The following DLGAP2 variants were observed in gnomAD, a reference collection of about 807,000 sequenced individuals.
DLGAP2 encodes disks large-associated protein 2.
In DLGAP2, 26 loss-of-function variants were observed where a neutral mutation model predicts 100.3. The ratio of observed to expected loss-of-function variants is 0.26; its 90% CI spans 0.19 to 0.36. DLGAP2 has a LOEUF of 0.36. DLGAP2 is among the 10% of genes least tolerant of loss of function. The pLI, the probability that DLGAP2 is intolerant of heterozygous loss-of-function variation, is 1.00. For synonymous variants in DLGAP2, 886 were observed against 630.1 expected (o/e 1.41, Z -6.08); for missense variants, 1,858 against 1,453.2 (o/e 1.28, Z -4.53).
chr8:778,560 T>A (rs999044248), intron 1 of DLGAP2, among the ~76,000 whole-genome samples: 1 of 152,228 alleles, frequency 6.6e-6, no homozygotes, highest in African/African-American at 2.4e-5. Flanking sequence ...GTTTTCCTCC[T>A]AACGGACAGG....
intron 3 of DLGAP2, among the ~76,000 whole-genome samples, chr8:1,361,650 TCTGA>T (rs1412170551): frequency 1.3e-5 from 2 of 152,200 alleles, no homozygotes; most frequent in Non-Finnish European, 1.5e-5. Flanking sequence ...CCCCCCTGGG[TCTGA>T]CTATTAGCTT....
At chr8:1,108,418 G>A (rs1442082708) in intron 2 of DLGAP2, among the ~76,000 whole-genome samples, 3 of 152,242 alleles carry the variant, frequency 2.0e-5, no homozygotes, top group Non-Finnish European at 2.9e-5. Flanking sequence ...AAGCCGTCAT[G>A]TAAGATGATG....
intron 1 of DLGAP2, among the ~76,000 whole-genome samples, chr8:820,431 TGCAATGTGTAGAATAGATAA>T (rs778767479): frequency 1.3e-5 from 2 of 152,284 alleles, no homozygotes; most frequent in Middle Eastern, 3.4e-3. Context: ...AAAAAACATT[TGCAATGTGTAGAATAGATAA>T]GCATCCGGCA....
At chr8:1,313,879 G>C (rs750032420) in intron 3 of DLGAP2, among the ~76,000 whole-genome samples, 11 of 152,012 alleles carry the variant, frequency 7.2e-5, no homozygotes, top group Non-Finnish European at 1.0e-4. Flanking sequence ...CAAAGACTAA[G>C]GGTTCAAATC....
intron 1 of DLGAP2, among the ~76,000 whole-genome samples, chr8:875,719 C>T (rs987719282): frequency 3.9e-5 from 6 of 152,156 alleles, no homozygotes; most frequent in South Asian, 2.1e-4. Flanking sequence ...CCTCCTTACT[C>T]ATTTTTTTGC....
chr8:1,434,322 A>T (rs1797554132), intron 3 of DLGAP2, among the ~76,000 whole-genome samples: 1 of 152,080 alleles, frequency 6.6e-6, no homozygotes, highest in Non-Finnish European at 1.5e-5. Flanking sequence ...GACAGGAGAC[A>T]CCAGGTGGAA....
At chr8:1,407,007 T>C (rs75098818) in intron 3 of DLGAP2, among the ~76,000 whole-genome samples, 4 of 27,668 alleles carry the variant, frequency 1.4e-4, no homozygotes, top group Non-Finnish European at 2.4e-4. Context: ...ACTCCCTCCT[T>C]GTCCTCCAGA....
At chr8:1,153,121 C>T (rs1417443663) in intron 2 of DLGAP2, among the ~76,000 whole-genome samples, 1 of 152,202 alleles carries the variant, frequency 6.6e-6, no homozygotes, top group African/African-American at 2.4e-5. Flanking sequence ...CCCACCCTGA[C>T]TTAGTGCATT....
chr8:812,895 G>T (rs934112484), intron 1 of DLGAP2, among the ~76,000 whole-genome samples: 7 of 152,124 alleles, frequency 4.6e-5, no homozygotes, highest in Admixed American at 1.3e-4. Context: ...AAGTATTTAG[G>T]TATTGATTAG....
chr8:1,391,823 G>A (rs1796362800), intron 3 of DLGAP2, among the ~76,000 whole-genome samples: 1 of 152,240 alleles, frequency 6.6e-6, no homozygotes, highest in Non-Finnish European at 1.5e-5. Context: ...TCATTAAGCG[G>A]AAGCAGCAAA....
intron 3 of DLGAP2, among the ~76,000 whole-genome samples, chr8:1,440,125 C>A (rs1386661465): frequency 2.0e-5 from 3 of 152,052 alleles, no homozygotes; most frequent in Non-Finnish European, 4.4e-5. Context: ...TTTTACTCCT[C>A]TTCATTTTAA....
chr8:1,154,253 T>C (rs982406105), intron 2 of DLGAP2, among the ~76,000 whole-genome samples: 1 of 152,142 alleles, frequency 6.6e-6, no homozygotes, highest in African/African-American at 2.4e-5. Flanking sequence ...GCAAAGCAAA[T>C]GACACTAATG....
intron 2 of DLGAP2, among the ~76,000 whole-genome samples, chr8:980,185 G>A (rs369453952): frequency 6.6e-6 from 1 of 152,310 alleles, no homozygotes; most frequent in East Asian, 1.9e-4. Context: ...AGGGATTCAG[G>A]CCAGACTTTG....
chr8:971,899 G>T (rs1489773802), intron 2 of DLGAP2, among the ~76,000 whole-genome samples: 2 of 152,174 alleles, frequency 1.3e-5, no homozygotes, highest in African/African-American at 4.8e-5. Context: ...TTGCAGCCCA[G>T]GGGTACAGGC....
chr8:1,343,004 A>G (rs1007448500), intron 3 of DLGAP2, among the ~76,000 whole-genome samples: 1 of 152,130 alleles, frequency 6.6e-6, no homozygotes, highest in African/African-American at 2.4e-5. Context: ...GAGCACAGAG[A>G]TTATTGAGAA....
chr8:1,487,450 C>A (rs970650833), intron 3 of DLGAP2, among the ~76,000 whole-genome samples: 18 of 152,196 alleles, frequency 1.2e-4, no homozygotes, highest in Admixed American at 4.6e-4. Flanking sequence ...ATGAAATATT[C>A]TGGTATATAG....
intron 7 of DLGAP2, among the ~76,000 whole-genome samples, chr8:1,631,443 A>G (rs1797643174): frequency 6.6e-6 from 1 of 152,094 alleles, no homozygotes; most frequent in South Asian, 2.1e-4. Context: ...ATAAGTGAAA[A>G]CTTACATTGG....
intron 3 of DLGAP2, among the ~76,000 whole-genome samples, chr8:1,382,882 T>A (rs900317237): frequency 6.6e-6 from 1 of 152,200 alleles, no homozygotes; most frequent in African/African-American, 2.4e-5. Context: ...TATAGCCAAT[T>A]AAAATTATGG....
intron 3 of DLGAP2, among the ~76,000 whole-genome samples, chr8:1,489,013 A>C (rs1408200956): frequency 6.6e-6 from 1 of 152,212 alleles, no homozygotes; most frequent in Non-Finnish European, 1.5e-5. Flanking sequence ...CATTCAGCTT[A>C]AATAATCCGC....
Sources: gnomAD v4.1 joint callset for allele counts (sites outside exome capture counted in the v4.1 genomes callset) on GRCh38, gnomAD v4.1.1 for gene constraint, MANE v1.5 for transcripts, NCBI Gene and HGNC (gene_info 2026-07-23, HGNC 2026-07-21) for gene names.